The following PRIM2 variants were observed in gnomAD, a reference collection of about 807,000 sequenced individuals.
The protein encoded by PRIM2 is DNA primase subunit 2, also known as DNA primase large subunit.
In PRIM2, 39 loss-of-function variants were observed where a neutral mutation model predicts 67.3. The observed-to-expected ratio is 0.58, with a 90% CI of 0.45 to 0.76. The LOEUF (loss-of-function observed/expected upper bound fraction) is 0.76. PRIM2 is among the 30% of genes least tolerant of loss of function. PRIM2 has a pLI of 0.00. For synonymous variants in PRIM2, 143 were observed against 198.7 expected (o/e 0.72, Z 2.36); for missense variants, 398 against 598.7 (o/e 0.66, Z 3.50).
In PRIM2 at chr6:57,318,560, T is replaced by G. The variant is rs1046942040; in HGVS notation, c.115T>G (p.Leu39Val). The G allele has an allele frequency of 1.9e-6, 3 of 1,581,718 alleles. No homozygotes were observed. In the African/African-American group the frequency reaches 4.0e-5, roughly 21 times the overall value. The change falls in exon 2 of 14, where the codon TTA (leucine) becomes GTA (valine). Residue 39 changes from leucine (L) to valine (V), a missense_variant. By Grantham distance (32) the Leu-to-Val change is conservative (BLOSUM62 1). Coordinates refer to ENST00000615550, the MANE Select transcript of PRIM2 (RefSeq NM_000947.5). ...YLQPPSENIS[L>V]IEFENLAIDR... ...GCAGCCACCTTCTGAAAACATATCT[T>G]TAATAGAATTTGAAAACTTGGCTAT...
At chr6:57,228,026 C>A in the PRIM2 span, among the ~76,000 whole-genome samples, 1 of 152,160 alleles carries the variant, frequency 6.6e-6, no homozygotes, top group Non-Finnish European at 1.5e-5. Flanking sequence ...AGGACTAATT[C>A]TTAATTTTTT....
chr6:57,636,082 C>G (rs1777116084), intron 13 of PRIM2, among the ~76,000 whole-genome samples: 1 of 152,096 alleles, frequency 6.6e-6, no homozygotes, highest in Non-Finnish European at 1.5e-5. Context: ...GTGGTAGAAT[C>G]CAAATGCTTC....
the PRIM2 span, among the ~76,000 whole-genome samples, chr6:57,294,216 A>C: frequency 6.1e-4 from 93 of 152,336 alleles, 1 homozygote; most frequent in African/African-American, 2.2e-3. Context: ...GTGGTGGCTC[A>C]TGCCTGTATT....
At chr6:57,637,956 A>G (rs1254779360) in intron 13 of PRIM2, among the ~76,000 whole-genome samples, 7 of 152,334 alleles carry the variant, frequency 4.6e-5, no homozygotes, top group Admixed American at 1.3e-4. Flanking sequence ...TGTCAGATTC[A>G]TCAAGGTTGA....
Position 57,357,787 on chromosome 6 carries a change from G to A in PRIM2, c.460-22114G>A, listed in dbSNP as rs113385783. On this transcript the variant is annotated intron_variant, in intron 5 of 13. Coordinates refer to ENST00000615550, the MANE Select transcript of PRIM2 (RefSeq NM_000947.5). ...ATGTTTGTATTTTTAGTAGAGATGG[G>A]GTTTCACCATGTTGGTGAAGCTGGT... 2.6e-5 allele frequency among the ~76,000 whole-genome samples: 4 copies of A among 151,910 alleles called. No homozygotes were observed. The East Asian group carries it at 7.8e-4, about 30-fold the overall frequency.
At chr6:57,530,747 G>A (rs1376279204) in intron 8 of PRIM2, among the ~76,000 whole-genome samples, 2 of 150,956 alleles carry the variant, frequency 1.3e-5, no homozygotes, top group East Asian at 3.9e-4. Context: ...GTCTTACTCT[G>A]TCACCCAGGG....
chr6:57,462,638 T>C lies in PRIM2; in HGVS notation c.694-44749T>C, dbSNP rs1271949540. 3.3e-5 allele frequency among the ~76,000 whole-genome samples: 5 copies of C among 152,224 alleles called. 1 individual carries two copies. Among genetic ancestry groups the C allele is most frequent in the Admixed American group, 6.5e-5 (1 of 15,288 alleles). ...AGGCTGCCATAGTAGAAGAGCTCTG[T>C]TGTAGGGAGTATTTCCTTTGTTGCT... On this transcript the variant is annotated intron_variant, in intron 7 of 13. Coordinates refer to ENST00000615550, the MANE Select transcript of PRIM2 (RefSeq NM_000947.5).
At chr6:57,563,359 T>C (rs1393758115) in intron 10 of PRIM2, among the ~76,000 whole-genome samples, 1 of 151,410 alleles carries the variant, frequency 6.6e-6, no homozygotes, top group Non-Finnish European at 1.5e-5. Flanking sequence ...ATTAGGAACA[T>C]CAATTATCAT....
the PRIM2 span, among the ~76,000 whole-genome samples, chr6:57,286,749 T>C: frequency 2.0e-5 from 3 of 152,084 alleles, no homozygotes; most frequent in African/African-American, 7.2e-5. Flanking sequence ...AAAGCCGAAA[T>C]TGAAAAATGG....
intron 9 of PRIM2, among the ~76,000 whole-genome samples, chr6:57,536,427 C>T (rs1335559548): frequency 6.6e-6 from 1 of 152,190 alleles, no homozygotes; most frequent in African/African-American, 2.4e-5. Flanking sequence ...AGAAGTTTCT[C>T]TTATTTTTGT....
At chr6:57,583,253 G>A (rs1276277017) in intron 10 of PRIM2, among the ~76,000 whole-genome samples, 1 of 148,486 alleles carries the variant, frequency 6.7e-6, no homozygotes, top group African/African-American at 2.5e-5. Flanking sequence ...ATGTATACAT[G>A]TGACATGCTG....
the PRIM2 span, among the ~76,000 whole-genome samples, chr6:57,227,022 C>T: frequency 6.6e-6 from 1 of 152,082 alleles, no homozygotes; most frequent in Non-Finnish European, 1.5e-5. Flanking sequence ...AGCATATACA[C>T]TTCTAGATTT....
the PRIM2 span, among the ~76,000 whole-genome samples, chr6:57,243,619 C>T: frequency 3.9e-5 from 6 of 152,144 alleles, no homozygotes; most frequent in Non-Finnish European, 7.4e-5. Flanking sequence ...CAGGTGCACA[C>T]CACTACGCCC....
chr6:57,574,315 C>T (rs1332055976), intron 10 of PRIM2, among the ~76,000 whole-genome samples: 1 of 152,064 alleles, frequency 6.6e-6, no homozygotes, highest in East Asian at 1.9e-4. Context: ...GCTACCAAGG[C>T]TTTTGAGCCA....
the PRIM2 span, among the ~76,000 whole-genome samples, chr6:57,288,949 C>T: frequency 0.14 from 21,887 of 152,078 alleles, 2,034 homozygotes; most frequent in African/African-American, 0.26. Context: ...GGATGGAGAA[C>T]GAGTTTGATG....
At chr6:57,547,882 G>A (rs1775320995) in intron 10 of PRIM2, among the ~76,000 whole-genome samples, 5 of 152,218 alleles carry the variant, frequency 3.3e-5, no homozygotes, top group African/African-American at 1.2e-4. Context: ...TATTTGGCTG[G>A]TGGGATGTGA....
chr6:57,424,091 A>G (rs771509778), intron 7 of PRIM2, among the ~76,000 whole-genome samples: 3 of 152,222 alleles, frequency 2.0e-5, no homozygotes, highest in Non-Finnish European at 4.4e-5. Flanking sequence ...TGGATTGTGA[A>G]AAAGTACATT....
intron 7 of PRIM2, among the ~76,000 whole-genome samples, chr6:57,418,665 G>T (rs1771363136): frequency 6.6e-6 from 1 of 151,926 alleles, no homozygotes; most frequent in Non-Finnish European, 1.5e-5. Flanking sequence ...CTCCCAAAGT[G>T]CTGGGATTAC....
intron 12 of PRIM2, among the ~76,000 whole-genome samples, chr6:57,616,212 A>G (rs1776753988): frequency 1.3e-5 from 2 of 152,234 alleles, no homozygotes; most frequent in African/African-American, 4.8e-5. Flanking sequence ...TGGCCTGCTT[A>G]TGCAAAGCAT....
Sources: allele counts gnomAD v4.1 joint callset (sites outside exome capture counted in the v4.1 genomes callset), GRCh38; gene constraint gnomAD v4.1.1; transcripts MANE v1.5; gene names NCBI Gene and HGNC (gene_info 2026-07-23, HGNC 2026-07-21).